Variants in ZNF148 observed in about 807,000 individuals in gnomAD.
ZNF148 encodes Beta-Enolase Repressor Factor-1.
A neutral mutation model predicts 67.7 loss-of-function variants in ZNF148; 7 were observed. That is an observed-to-expected ratio of 0.10 (90% CI 0.06 to 0.19). The LOEUF is 0.19. Among genes scored for constraint, ZNF148 ranks in the 10% least tolerant of loss-of-function variants. The probability of loss-of-function intolerance (pLI) is 1.00; values close to 1 mark genes in which losing one functional copy is unlikely to be tolerated. For missense variants in ZNF148, 583 were observed against 947.1 expected (o/e 0.62, Z 5.05); for synonymous variants, 333 against 330.7 (o/e 1.01, Z -0.08).
At chr3:125,299,918 T>C (rs1369131222) in intron 4 of ZNF148, among the ~76,000 whole-genome samples, 1 of 152,202 alleles carries the variant, frequency 6.6e-6, no homozygotes, top group Non-Finnish European at 1.5e-5. Context: ...TTAAACTACT[T>C]GTGAAAATGA....
At chr3:125,249,053 CA>C (rs1936722761) in intron 7 of ZNF148, among the ~76,000 whole-genome samples, 1 of 152,194 alleles carries the variant, frequency 6.6e-6, no homozygotes. Context: ...AAGACTTAAA[CA>C]TAAGACCTGA....
intron 1 of ZNF148, among the ~76,000 whole-genome samples, chr3:125,350,396 C>T (rs1444279811): frequency 6.6e-6 from 1 of 152,196 alleles, no homozygotes; most frequent in African/African-American, 2.4e-5. Context: ...AACTCCTGAC[C>T]TCAAATGACC....
intron 3 of ZNF148, among the ~76,000 whole-genome samples, chr3:125,317,673 A>AGAGAGAGAGAGAGAGAGG (rs1228327160): frequency 7.9e-6 from 1 of 127,204 alleles, no homozygotes; most frequent in Non-Finnish European, 1.7e-5. Flanking sequence ...AGAGAGAGAG[A>AGAGAGAGAGAGAGAGAGG]GAGAGAAATA....
chr3:125,333,865 A>G (rs1192025144), intron 1 of ZNF148, among the ~76,000 whole-genome samples: 2 of 152,250 alleles, frequency 1.3e-5, no homozygotes, highest in Admixed American at 6.5e-5. Context: ...GCATCATCAT[A>G]AAGTCAAAAT....
At chr3:125,321,556 G>T (rs1474711398) in intron 3 of ZNF148, among the ~76,000 whole-genome samples, 1 of 151,932 alleles carries the variant, frequency 6.6e-6, no homozygotes, top group Non-Finnish European at 1.5e-5. Flanking sequence ...CATCTGTTTT[G>T]TAAAACAATG....
chr3:125,307,338 C>G (rs1939936400), intron 4 of ZNF148, among the ~76,000 whole-genome samples: 2 of 150,250 alleles, frequency 1.3e-5, no homozygotes, highest in African/African-American at 2.5e-5. Context: ...GAGTCTCGCT[C>G]TGTCGCCCAG....
At chr3:125,324,133 TA>T (rs980929335) in intron 2 of ZNF148, among the ~76,000 whole-genome samples, 53 of 152,168 alleles carry the variant, frequency 3.5e-4, no homozygotes, top group African/African-American at 1.2e-3. Flanking sequence ...TATACATATG[TA>T]ACTAACCTGC....
At chr3:125,319,997 G>A (rs1382230852) in intron 3 of ZNF148, among the ~76,000 whole-genome samples, 1 of 152,146 alleles carries the variant, frequency 6.6e-6, no homozygotes, top group African/African-American at 2.4e-5. Context: ...TCCACCTCAT[G>A]GCTACTATGG....
chr3:125,242,403 C>CT (rs1354958369), intron 7 of ZNF148, among the ~76,000 whole-genome samples: 2 of 152,154 alleles, frequency 1.3e-5, no homozygotes, highest in East Asian at 3.9e-4. Context: ...GGTGGATCAC[C>CT]TGAGGTCAGG....
At chr3:125,343,465 GCGC>G in intron 1 of ZNF148, among the ~76,000 whole-genome samples, 2 of 15,748 alleles carry the variant, frequency 1.3e-4, no homozygotes, top group African/African-American at 4.1e-4. Flanking sequence ...GCACCAATCA[GCGC>G]TCTGTAAAAA....
chr3:125,374,722 G>A (rs1017432866), intron 1 of ZNF148, among the ~76,000 whole-genome samples: 1 of 151,948 alleles, frequency 6.6e-6, no homozygotes, highest in Admixed American at 6.6e-5. Context: ...CACCAGGCAC[G>A]GTGGACAGAG....
At chr3:125,310,420 T>TTTA (rs1940139978) in intron 4 of ZNF148, among the ~76,000 whole-genome samples, 1 of 152,044 alleles carries the variant, frequency 6.6e-6, no homozygotes, top group Admixed American at 6.5e-5. Context: ...TATATTGAAC[T>TTTA]AAATGAAAAT....
chr3:125,266,976 C>T (rs1000686771), intron 7 of ZNF148, among the ~76,000 whole-genome samples: 1 of 151,752 alleles, frequency 6.6e-6, no homozygotes, highest in African/African-American at 2.4e-5. Flanking sequence ...TATAAACACA[C>T]ACCTCCCAAG....
chr3:125,374,000 G>A (rs1201853383), intron 1 of ZNF148, among the ~76,000 whole-genome samples: 1 of 152,174 alleles, frequency 6.6e-6, no homozygotes, highest in Non-Finnish European at 1.5e-5. Flanking sequence ...TTCCATTCCA[G>A]CGTTTGCCAG....
At chr3:125,287,997 C>G in intron 5 of ZNF148, 106 bp downstream of exon 5, 1 of 1,531,838 alleles carries the variant, frequency 6.5e-7, no homozygotes, top group Non-Finnish European at 8.9e-7. Flanking sequence ...CTAAACCACA[C>G]AAGACTTCTA....
Position 125,232,673 on chromosome 3 carries a change from G to A in ZNF148, c.2053C>T (p.His685Tyr). Residue 685 changes from histidine (H) to tyrosine (Y), a missense_variant, in exon 9 of 9, where the codon CAC becomes TAC. By Grantham distance (83) the His-to-Tyr change is moderately conservative. Transcript: ENST00000360647. This position sits in a 1 kb window ranked among gnomAD's most constrained non-coding sequence, Gnocchi z 4.2. ...HFGLIVGDSQ[H>Y]SFPFSGDETN... is the part of the protein sequence containing the mutation. ...TCATCACCTGAAAAGGGAAATGAGT[G>A]CTGTGAATCACCAACTATTAGTCCA... 1 of 1,613,876 alleles carries A rather than the reference G, an allele frequency of 6.2e-7. No homozygotes were observed. The highest frequency in any genetic ancestry group is 8.5e-7 in the Non-Finnish European group (1 of 1,179,814).
chr3:125,321,080 C>T lies in ZNF148; in HGVS notation c.-17+2229G>A, dbSNP rs542826809. On this transcript the variant is annotated intron_variant, in intron 3 of 8. Transcript: ENST00000360647. ...TTGATCTAAGCAGAAACTACTTCAT[C>T]TCTTATTAATAAAACAAAATCTATT... is the stretch of plus-strand genomic sequence containing the variant. Among the ~76,000 whole-genome samples, 5 of 152,272 alleles carry T rather than the reference C, an allele frequency of 3.3e-5. No individual in the cohort carries two copies. The South Asian group carries it at 8.3e-4, about 25-fold the overall frequency.
At chr3:125,352,732 C>G (rs1417807788) in intron 1 of ZNF148, among the ~76,000 whole-genome samples, 1 of 150,240 alleles carries the variant, frequency 6.7e-6, no homozygotes, top group Non-Finnish European at 1.5e-5. Flanking sequence ...AAACTCCCAG[C>G]AAGATTTTTT....
intron 4 of ZNF148, among the ~76,000 whole-genome samples, chr3:125,309,744 T>C (rs1192358674): frequency 6.6e-6 from 1 of 152,214 alleles, no homozygotes; most frequent in Non-Finnish European, 1.5e-5. Context: ...AAGATCACTG[T>C]AGAAACTATC....
Sources: gnomAD v4.1 joint callset for allele counts (sites outside exome capture counted in the v4.1 genomes callset) on GRCh38, gnomAD v4.1.1 for gene constraint, Gnocchi (gnomAD v3.1) non-coding constraint, MANE v1.5 for transcripts, NCBI Gene and HGNC (gene_info 2026-07-23, HGNC 2026-07-21) for gene names.